The following NPFFR2 variants were observed in gnomAD, a reference collection of about 807,000 sequenced individuals.
NPFFR2 encodes the protein G-protein coupled receptor 74.
NPFFR2 carries 15 observed loss-of-function variants against 13.1 expected under a neutral mutation model. The ratio of observed to expected loss-of-function variants is 1.15; its 90% confidence interval spans 0.77 to 1.76. The LOEUF is 1.76. Ranked by LOEUF, NPFFR2 falls within the 40% of genes most tolerant of loss-of-function variation. The pLI, the probability that NPFFR2 is intolerant of heterozygous loss-of-function variation, is 0.00. For missense variants in NPFFR2, 572 were observed against 503.5 expected (o/e 1.14, Z -1.30); for synonymous variants, 190 against 175.7 (o/e 1.08, Z -0.65).
chr4:72,146,739 A>G (rs1408814280), intron 3 of NPFFR2: 2 of 445,418 alleles, frequency 4.5e-6, no homozygotes, highest in Non-Finnish European at 7.9e-6. Context: ...CATGTTCATT[A>G]TTACTTTTTA....
intron 2 of NPFFR2, among the ~76,000 whole-genome samples, chr4:72,134,921 C>T (rs528184003): frequency 3.9e-5 from 6 of 152,032 alleles, no homozygotes; most frequent in Middle Eastern, 3.4e-3. Flanking sequence ...ATGTCCCCTT[C>T]TTTTTTTGGT....
chr4:72,070,087 T>G (rs1216426656), intron 1 of NPFFR2, among the ~76,000 whole-genome samples: 1 of 152,220 alleles, frequency 6.6e-6, no homozygotes, highest in East Asian at 1.9e-4. Context: ...ATTTAGTAAT[T>G]TACTCAAGGT....
chr4:72,102,580 G>C (rs1721285742), intron 1 of NPFFR2, among the ~76,000 whole-genome samples: 2 of 131,566 alleles, frequency 1.5e-5, no homozygotes, highest in Admixed American at 9.7e-5. Context: ...CTGTGTCCAT[G>C]TGTTCTCATT....
At chr4:72,135,842 A>G (rs116565850) in intron 2 of NPFFR2, among the ~76,000 whole-genome samples, 1,796 of 151,782 alleles carry the variant, frequency 0.012, 20 homozygotes, top group Non-Finnish European at 0.018. Context: ...TAATATGGGT[A>G]CATATGTGTA....
At chr4:72,128,427 T>G (rs1416065020) in intron 1 of NPFFR2, among the ~76,000 whole-genome samples, 158 bp from the exon 2 acceptor site, 1 of 152,236 alleles carries the variant, frequency 6.6e-6, no homozygotes, top group Non-Finnish European at 1.5e-5. Flanking sequence ...TTCAGTGCCT[T>G]ATTTATAATT....
intron 1 of NPFFR2, among the ~76,000 whole-genome samples, chr4:72,096,083 A>G (rs1721064650): frequency 6.6e-6 from 1 of 152,210 alleles, no homozygotes; most frequent in African/African-American, 2.4e-5. Flanking sequence ...GCAAATATAA[A>G]GTCTTTTTTC....
intron 1 of NPFFR2, among the ~76,000 whole-genome samples, chr4:72,086,113 AC>A (rs1297694483): frequency 5.9e-5 from 9 of 152,106 alleles, no homozygotes; most frequent in African/African-American, 2.2e-4. Flanking sequence ...AATACCAAGC[AC>A]ATTGTAAGTG....
At chr4:72,097,628 A>G (rs947683769) in intron 1 of NPFFR2, among the ~76,000 whole-genome samples, 9 of 152,112 alleles carry the variant, frequency 5.9e-5, no homozygotes, top group African/African-American at 2.2e-4. Flanking sequence ...TGTTCTTTGA[A>G]GTTTTACATT....
At position 72,127,355 on chromosome 4, in the gene NPFFR2, C is replaced by CTTTTTTT. The variant is rs1341571145; in HGVS notation, c.-7-1226_-7-1225insTTTTTTT. Among the ~76,000 whole-genome samples the CTTTTTTT allele has an allele frequency of 5.3e-4, 48 of 91,188 alleles. 3 individuals carry two copies. The highest frequency in any genetic ancestry group is 2.1e-3 in the African/African-American group (46 of 21,694). The allele number at this position is 91,188 out of a possible 152,430, so 59.8% of individuals were successfully genotyped here. On this transcript the variant is annotated intron_variant, in intron 1 of 3. Coordinates refer to ENST00000308744, the MANE Select transcript of NPFFR2 (RefSeq NM_004885.3). ...AAGTCATACAGATTCTAAATAATTT[C>CTTTTTTT]TTTTCTTTTTTTTTTTTTTTTTTTT...
intron 1 of NPFFR2, among the ~76,000 whole-genome samples, chr4:72,109,081 G>T (rs1318899818): frequency 6.6e-6 from 1 of 152,042 alleles, no homozygotes; most frequent in South Asian, 2.1e-4. Context: ...AAAACTTACA[G>T]TATCAATCAG....
intron 1 of NPFFR2, among the ~76,000 whole-genome samples, chr4:72,061,848 C>A (rs1479150969): frequency 1.3e-5 from 2 of 151,930 alleles, no homozygotes; most frequent in Non-Finnish European, 2.9e-5. Context: ...GAGCTTAACA[C>A]CTAGATAATG....
chr4:72,107,445 T>A (rs985153635), intron 1 of NPFFR2, among the ~76,000 whole-genome samples: 4 of 151,722 alleles, frequency 2.6e-5, no homozygotes, highest in African/African-American at 9.7e-5. Flanking sequence ...TTTCCCAACT[T>A]TTCCAGTATT....
At chr4:72,097,544 G>A (rs1436127774) in intron 1 of NPFFR2, among the ~76,000 whole-genome samples, 1 of 152,096 alleles carries the variant, frequency 6.6e-6, no homozygotes, top group Non-Finnish European at 1.5e-5. Flanking sequence ...TATAGTAAAA[G>A]CTTCACTGTA....
intron 1 of NPFFR2, among the ~76,000 whole-genome samples, chr4:72,125,727 G>A (rs1722020287): frequency 6.6e-6 from 1 of 152,158 alleles, no homozygotes; most frequent in Non-Finnish European, 1.5e-5. Flanking sequence ...GTCTCACCTG[G>A]AAGAGCTCTA....
At chr4:72,033,042 AT>A (rs1346009818) in intron 1 of NPFFR2, among the ~76,000 whole-genome samples, 1 of 152,206 alleles carries the variant, frequency 6.6e-6, no homozygotes, top group Admixed American at 6.5e-5. Context: ...TTTTAAACAT[AT>A]GTCTAAATTT....
chr4:72,042,093 A>T (rs965444386), intron 1 of NPFFR2, among the ~76,000 whole-genome samples: 6 of 152,066 alleles, frequency 3.9e-5, no homozygotes, highest in Non-Finnish European at 8.8e-5. Flanking sequence ...CCCCCACCCA[A>T]ATCTCATTTT....
At chr4:72,085,046 T>G (rs1720727989) in intron 1 of NPFFR2, among the ~76,000 whole-genome samples, 1 of 35,166 alleles carries the variant, frequency 2.8e-5, no homozygotes, top group African/African-American at 6.9e-5. Context: ...TAGTTGAGAA[T>G]AATGTGCTTA....
In NPFFR2 at chr4:72,147,206, C is replaced by T. The variant is rs147777418; in HGVS notation, c.657C>T (p.Tyr219=). Residue 219 remains tyrosine, a synonymous_variant, in exon 4 of 4, where the codon TAC becomes TAT. Coordinates refer to ENST00000308744, the MANE Select transcript of NPFFR2 (RefSeq NM_004885.3). The part of the protein sequence containing the change: ...DWPNQEMRKI[Y]TTVLFANIYL... Reference sequence around the variant, plus strand: ...CAAATCAGGAAATGAGGAAGATCTACACCACTGTGCTGTTTGCCAACATCT... The same window carrying T: ...CAAATCAGGAAATGAGGAAGATCTATACCACTGTGCTGTTTGCCAACATCT... 162 of 1,614,146 alleles carry T rather than the reference C, an allele frequency of 1.0e-4. 1 individual carries two copies. The African/African-American group carries it at 2.0e-3, about 20-fold the overall frequency.
chr4:72,046,184 T>C (rs1719376451), intron 1 of NPFFR2, among the ~76,000 whole-genome samples: 1 of 152,198 alleles, frequency 6.6e-6, no homozygotes, highest in African/African-American at 2.4e-5. Flanking sequence ...TAGTTACTTA[T>C]ACTTTTCCTG....
Sources: gnomAD v4.1 joint callset for allele counts (sites outside exome capture counted in the v4.1 genomes callset) on GRCh38, gnomAD v4.1.1 for gene constraint, MANE v1.5 for transcripts, NCBI Gene and HGNC (gene_info 2026-07-23, HGNC 2026-07-21) for gene names.